ENOX2: variants seen among roughly 807,000 people sequenced by gnomAD.
The protein encoded by ENOX2 is ecto-NOX disulfide-thiol exchanger 2.
ENOX2 carries 36 observed loss-of-function variants against 45.0 expected under a neutral mutation model. That is an observed-to-expected ratio of 0.80 (90% CI 0.61 to 1.06). The LOEUF (loss-of-function observed/expected upper bound fraction) is 1.06, where lower values mean the gene tolerates loss of function less well. Ranked by LOEUF, ENOX2 falls within the 50% of genes least tolerant of loss-of-function variation. ENOX2 has a pLI of 0.00. For synonymous variants in ENOX2, 174 were observed against 152.3 expected (o/e 1.14, Z -1.05); for missense variants, 423 against 462.5 (o/e 0.91, Z 0.78).
At chrX:130,669,757 G>A (rs2036929140) in intron 7 of ENOX2, among the ~76,000 whole-genome samples, 1 of 112,035 alleles carries the variant, frequency 8.9e-6, no homozygotes, top group African/African-American at 3.2e-5. Context: ...TTGAGACAAT[G>A]AAGGAGCAGA....
At chrX:130,901,346 T>C (rs2079141265) in intron 2 of ENOX2, among the ~76,000 whole-genome samples, 1 of 112,460 alleles carries the variant, frequency 8.9e-6, no homozygotes, top group Non-Finnish European at 1.9e-5. Context: ...TTAAGTAGAT[T>C]GTTTAACTTC....
chrX:130,887,462 G>A (rs1011114816), intron 2 of ENOX2, among the ~76,000 whole-genome samples: 1 of 110,083 alleles, frequency 9.1e-6, no homozygotes, highest in African/African-American at 3.3e-5. Flanking sequence ...CTTCAGCAAC[G>A]GAGCATAGGG....
intron 2 of ENOX2, among the ~76,000 whole-genome samples, chrX:130,806,652 A>T: frequency 8.9e-6 from 1 of 112,308 alleles, no homozygotes. Flanking sequence ...ATTTATTCTG[A>T]AACAGCCTAA....
intron 3 of ENOX2, among the ~76,000 whole-genome samples, chrX:130,759,577 CAAAAAA>C (rs753411112): frequency 3.5e-4 from 7 of 19,948 alleles, no homozygotes; most frequent in African/African-American, 5.3e-4. Flanking sequence ...GACTATGTAC[CAAAAAA>C]AAAAAAAAAA....
At chrX:130,665,140 C>A (rs1242236443) in intron 9 of ENOX2, among the ~76,000 whole-genome samples, 1 of 112,007 alleles carries the variant, frequency 8.9e-6, no homozygotes, top group Non-Finnish European at 1.9e-5. Context: ...GTGTGCCAAC[C>A]TTAACCTAAG....
chrX:130,679,437 G>T (rs2037240208), intron 6 of ENOX2, 105 bp downstream of exon 6: 1 of 618,947 alleles, frequency 1.6e-6, no homozygotes, highest in Non-Finnish European at 2.7e-6. Flanking sequence ...GAAGGCAAGA[G>T]CAGGTAATAC....
chrX:130,777,549 T>C (rs1254174015), intron 3 of ENOX2, among the ~76,000 whole-genome samples: 1 of 109,685 alleles, frequency 9.1e-6, no homozygotes, highest in African/African-American at 3.3e-5. Context: ...TCTAAAACAC[T>C]AGACTTAAAC....
chrX:130,630,830 T>C (rs1056142864), intron 13 of ENOX2, among the ~76,000 whole-genome samples: 1 of 111,180 alleles, frequency 9.0e-6, no homozygotes, highest in Non-Finnish European at 1.9e-5. Context: ...CTTAAACTCA[T>C]GGAGTCTAAT....
intron 2 of ENOX2, among the ~76,000 whole-genome samples, chrX:130,866,970 A>G (rs1277040231): frequency 1.8e-5 from 2 of 110,062 alleles, no homozygotes; most frequent in Admixed American, 2.0e-4. Context: ...TTTGTAGGTT[A>G]TATTTATTAA....
At chrX:130,700,466 G>A (rs1168205909) in intron 4 of ENOX2, among the ~76,000 whole-genome samples, 1 of 111,848 alleles carries the variant, frequency 8.9e-6, no homozygotes, top group Non-Finnish European at 1.9e-5. Context: ...GGAGAAGGGG[G>A]CCAATGGTAG....
At chrX:130,672,519 C>T (rs991502443) in intron 6 of ENOX2, among the ~76,000 whole-genome samples, 5 of 112,721 alleles carry the variant, frequency 4.4e-5, no homozygotes, top group African/African-American at 1.6e-4. Flanking sequence ...CCCAAGCAGC[C>T]GGCACCCCCA....
At chrX:130,702,742 G>C (rs1038058627) in intron 4 of ENOX2, among the ~76,000 whole-genome samples, 1 of 111,616 alleles carries the variant, frequency 9.0e-6, no homozygotes, top group East Asian at 2.8e-4. Flanking sequence ...TCTCCTCTAG[G>C]AATCTTAAGA....
chrX:130,632,659 G>A (rs1603290418), intron 12 of ENOX2, among the ~76,000 whole-genome samples: 1 of 111,781 alleles, frequency 8.9e-6, no homozygotes, highest in African/African-American at 3.3e-5. Flanking sequence ...GAAGGGACAG[G>A]ATTCCTTCTG....
chrX:130,801,131 C>T (rs1380348451), intron 2 of ENOX2, among the ~76,000 whole-genome samples: 1 of 112,230 alleles, frequency 8.9e-6, no homozygotes, highest in Non-Finnish European at 1.9e-5. Context: ...GGACTGCACG[C>T]CACCCTCTAC....
chrX:130,854,102 A>G (rs1333229529), intron 2 of ENOX2, among the ~76,000 whole-genome samples: 2 of 112,433 alleles, frequency 1.8e-5, no homozygotes, highest in Non-Finnish European at 3.8e-5. Context: ...AGACGTTGAA[A>G]TTATCTGACA....
At chrX:130,889,173 T>C (rs1406406889) in intron 2 of ENOX2, among the ~76,000 whole-genome samples, 1 of 112,145 alleles carries the variant, frequency 8.9e-6, no homozygotes, top group Admixed American at 9.5e-5. Context: ...GGGCACTAAA[T>C]GATCCAGGCA....
intron 2 of ENOX2, among the ~76,000 whole-genome samples, chrX:130,823,142 C>T (rs1200569101): frequency 8.9e-6 from 1 of 111,930 alleles, no homozygotes; most frequent in Non-Finnish European, 1.9e-5. Flanking sequence ...AACAGAAGAA[C>T]ACCCACACTA....
rs536962790 is a variant in ENOX2, at chrX:130,677,772, A to G, written c.460+1770T>C. Among the ~76,000 whole-genome samples, 21 of 111,608 alleles carry G rather than the reference A, an allele frequency of 1.9e-4. No homozygotes were observed. The South Asian group carries it at 6.9e-3, about 37-fold the overall frequency. On this transcript the variant is annotated intron_variant, in intron 6 of 14. Coordinates refer to ENST00000394363, the MANE Select transcript of ENOX2 (RefSeq NM_006375.4). ...CTTCCAGCCTCCATAACTATAAAAA[A>G]TAAATTCCTTTTCTTTATAAATTAC...
At chrX:130,643,145 A>G (rs1049836504) in intron 10 of ENOX2, among the ~76,000 whole-genome samples, 1 of 111,547 alleles carries the variant, frequency 9.0e-6, no homozygotes, top group Non-Finnish European at 1.9e-5. Context: ...TTAATTGTAA[A>G]TGTATATAAT....
Sources: allele counts gnomAD v4.1 joint callset (sites outside exome capture counted in the v4.1 genomes callset), GRCh38; gene constraint gnomAD v4.1.1; transcripts MANE v1.5; gene names NCBI Gene and HGNC (gene_info 2026-07-23, HGNC 2026-07-21).